Variants in CTDSPL2 observed in about 807,000 individuals in gnomAD.
CTDSPL2 encodes the protein CTD small phosphatase like 2.
Under a neutral mutation model 60.0 loss-of-function variants are expected in CTDSPL2, and 5 were observed. The observed-to-expected ratio is 0.08, with a 90% CI of 0.04 to 0.18. The LOEUF (loss-of-function observed/expected upper bound fraction) is 0.18, where lower values mean the gene tolerates loss of function less well. Ranked by LOEUF, CTDSPL2 falls within the 10% of genes least tolerant of loss-of-function variation. The probability of loss-of-function intolerance (pLI) is 1.00; values close to 1 mark genes in which losing one functional copy is unlikely to be tolerated. For missense variants in CTDSPL2, 370 were observed against 548.8 expected (o/e 0.67, Z 3.26); for synonymous variants, 186 against 189.3 (o/e 0.98, Z 0.14).
chr15:44,455,034 C>T (rs147902914), intron 1 of CTDSPL2, among the ~76,000 whole-genome samples: 3,512 of 152,278 alleles, frequency 0.023, 60 homozygotes, highest in Middle Eastern at 0.068. Flanking sequence ...GCCATTTTCA[C>T]GATATTGATT....
At chr15:44,515,966 CTATT>C (rs1384222414) in intron 10 of CTDSPL2, among the ~76,000 whole-genome samples, 1 of 149,654 alleles carries the variant, frequency 6.7e-6, no homozygotes, top group Non-Finnish European at 1.5e-5. Flanking sequence ...CTCTCTTTCT[CTATT>C]TCTTTCTTTC....
intron 1 of CTDSPL2, among the ~76,000 whole-genome samples, chr15:44,432,565 C>A (rs185692590): frequency 2.4e-3 from 361 of 151,662 alleles, no homozygotes; most frequent in Non-Finnish European, 4.3e-3. Context: ...TGTGATCCGC[C>A]CACTTTGGCG....
At chr15:44,467,659 T>C (rs548694159) in intron 2 of CTDSPL2, among the ~76,000 whole-genome samples, 2 of 152,146 alleles carry the variant, frequency 1.3e-5, no homozygotes, top group Admixed American at 6.5e-5. Context: ...CCACAACCTC[T>C]GCCTCCTGGG....
At chr15:44,432,166 A>G (rs2079873419) in intron 1 of CTDSPL2, among the ~76,000 whole-genome samples, 1 of 152,106 alleles carries the variant, frequency 6.6e-6, no homozygotes, top group Non-Finnish European at 1.5e-5. Flanking sequence ...GGATCCTGAC[A>G]GTAAGGAATA....
intron 8 of CTDSPL2, among the ~76,000 whole-genome samples, chr15:44,506,670 C>A (rs903172906): frequency 1.3e-5 from 2 of 152,142 alleles, no homozygotes; most frequent in East Asian, 3.9e-4. Context: ...CCAGTTCAGA[C>A]TCCCAAAGTG....
At position 44,452,254 on chromosome 15, in the gene CTDSPL2, G is replaced by A. The variant is rs181946818; in HGVS notation, c.-24-6737G>A. ...ATCTGTTTTGCTTTTTTTCTCTATA[G>A]ATTATTTGTGTCCCCGATAAAAATT... On this transcript the variant is annotated intron_variant, in intron 1 of 12. Transcript: ENST00000260327. Among the ~76,000 whole-genome samples the A allele has an allele frequency of 4.0e-4, 61 of 152,066 alleles. No homozygotes were observed. In the East Asian group the frequency reaches 6.0e-3, roughly 15 times the overall value.
chr15:44,521,275 G>A, intron 11 of CTDSPL2, 36 bp from the exon 12 acceptor site: 1 of 1,044,008 alleles, frequency 9.6e-7, no homozygotes, highest in Non-Finnish European at 1.4e-6. Context: ...TAAAATATAA[G>A]TAAAAGAGGA....
In CTDSPL2 at chr15:44,459,153, G is replaced by A. The variant is rs1365308120; in HGVS notation, c.139G>A (p.Gly47Ser). 2.5e-6 allele frequency: 4 copies of A among 1,611,068 alleles called. No homozygotes were observed. Among genetic ancestry groups the A allele is most frequent in the Admixed American group, 1.7e-5 (1 of 59,416 alleles). The change falls in exon 2 of 13, where the codon GGC becomes AGC. Residue 47 changes from glycine (G) to serine (S), a missense_variant. Physicochemically the swap from Gly to Ser is moderately conservative, Grantham distance 56. Transcript: ENST00000260327. ...AGAAAAACCATCGAAGAATGAAACC[G>A]GCTTGTTGTCTTCAATTAAAAAATT... ...GGEKPSKNETGLLSSIKKFIK... is the reference protein window; with the variant it reads ...GGEKPSKNETSLLSSIKKFIK...
At chr15:44,451,914 A>G (rs2080341703) in intron 1 of CTDSPL2, among the ~76,000 whole-genome samples, 1 of 152,206 alleles carries the variant, frequency 6.6e-6, no homozygotes, top group Non-Finnish European at 1.5e-5. Flanking sequence ...TAATGATCGG[A>G]CCAATCATGA....
Position 44,528,388 on chromosome 15 carries a change from T to C in CTDSPL2, c.*4214T>C, listed in dbSNP as rs974824238. 2.0e-5 allele frequency: 3 copies of C among 151,960 alleles called. No homozygotes were observed. Among genetic ancestry groups the C allele is most frequent in the East Asian group, 1.9e-4 (1 of 5,192 alleles). 9.4% of individuals were successfully genotyped at this position (151,960 alleles called of 1,614,324 possible). On this transcript the variant is annotated 3_prime_UTR_variant, in exon 13 of 13. Coordinates refer to ENST00000260327, the MANE Select transcript of CTDSPL2 (RefSeq NM_016396.3). ...GTTTTGTTTTGTTTTGTTTTTTCTT[T>C]AAAGCTCTCCTGGTGATTCTAATAG...
intron 1 of CTDSPL2, among the ~76,000 whole-genome samples, chr15:44,458,700 A>G (rs942008237): frequency 3.3e-5 from 5 of 152,338 alleles, no homozygotes; most frequent in Middle Eastern, 6.8e-3. Flanking sequence ...GCAGTATAGT[A>G]TTATGTAAAG....
intron 2 of CTDSPL2, among the ~76,000 whole-genome samples, chr15:44,464,165 A>G (rs1595723565): frequency 6.6e-6 from 1 of 152,236 alleles, no homozygotes; most frequent in East Asian, 1.9e-4. Context: ...ATGTACCACT[A>G]CGCCCGCAAC....
intron 3 of CTDSPL2, among the ~76,000 whole-genome samples, chr15:44,485,120 C>A (rs562373274): frequency 6.6e-6 from 1 of 152,230 alleles, no homozygotes; most frequent in African/African-American, 2.4e-5. Flanking sequence ...TTTTGGTTGT[C>A]ACAACTTGTG....
At chr15:44,512,591 A>T (rs1223383237) in intron 8 of CTDSPL2, among the ~76,000 whole-genome samples, 2 of 152,252 alleles carry the variant, frequency 1.3e-5, no homozygotes, top group Admixed American at 6.5e-5. Context: ...TGTTTGGCTT[A>T]CCAAAGAAGG....
In CTDSPL2 at chr15:44,486,645, G is replaced by C. The variant is rs1042347909; in HGVS notation, c.420G>C (p.Leu140Phe). 6.3e-7 allele frequency: 1 copy of C among 1,595,590 alleles called. No individual in the cohort carries two copies. Reference protein sequence around the residue: ...PSSGSPPRTTLLGTIFSPVFN... With the variant: ...PSSGSPPRTTFLGTIFSPVFN... ...CTGGCAGTCCTCCAAGGACTACTTTGTTGGGGACCATATTTTCACCTGTCT... is the reference window on the plus strand; with the variant it reads ...CTGGCAGTCCTCCAAGGACTACTTTCTTGGGGACCATATTTTCACCTGTCT... Residue 140 changes from leucine (L) to phenylalanine (F), a missense_variant, in exon 4 of 13, where the codon TTG (leucine) becomes TTC (phenylalanine). Coordinates refer to ENST00000260327, the MANE Select transcript of CTDSPL2 (RefSeq NM_016396.3).
At chr15:44,437,108 G>A (rs979968289) in intron 1 of CTDSPL2, among the ~76,000 whole-genome samples, 2 of 152,136 alleles carry the variant, frequency 1.3e-5, no homozygotes, top group South Asian at 2.1e-4. Context: ...ACATTAAGTC[G>A]GGGTGGAATT....
In CTDSPL2 at chr15:44,514,580, A is replaced by G. The variant is rs1202366260; in HGVS notation, c.970-18A>G. ...ATTGTATGTTTATTTGCTGAAACTT[A>G]TCTTTGTATTTCCTTAGGTTTATGT... is the stretch of plus-strand genomic sequence containing the variant. On this transcript the variant is annotated intron_variant, in intron 8 of 12. Coordinates refer to ENST00000260327, the MANE Select transcript of CTDSPL2 (RefSeq NM_016396.3). The G allele has an allele frequency of 2.0e-6, 3 of 1,510,782 alleles. No homozygotes were observed. The South Asian group carries it at 3.4e-5, about 17-fold the overall frequency. The allele number at this position is 1,510,782 out of a possible 1,614,324, so 93.6% of individuals were successfully genotyped here.
chr15:44,480,744 G>T (rs1332828295), intron 2 of CTDSPL2, among the ~76,000 whole-genome samples: 1 of 151,968 alleles, frequency 6.6e-6, no homozygotes, highest in Admixed American at 6.6e-5. Context: ...GAGGCAGGAA[G>T]AATGCTTGAG....
intron 8 of CTDSPL2, among the ~76,000 whole-genome samples, chr15:44,505,845 A>C (rs981776068): frequency 1.3e-5 from 2 of 151,968 alleles, no homozygotes; most frequent in Admixed American, 1.3e-4. Context: ...TGGAGGCTTC[A>C]TTTCCTTTGA....
Sources: allele counts gnomAD v4.1 joint callset (sites outside exome capture counted in the v4.1 genomes callset), GRCh38; gene constraint gnomAD v4.1.1; transcripts MANE v1.5; gene names NCBI Gene and HGNC (gene_info 2026-07-23, HGNC 2026-07-21).